The following COG5 variants were observed in gnomAD, a reference collection of about 807,000 sequenced individuals.
COG5 encodes the protein component of oligomeric golgi complex 5, also known as conserved oligomeric Golgi complex subunit 5.
COG5 carries 86 observed loss-of-function variants against 110.4 expected under a neutral mutation model. The ratio of observed to expected loss-of-function variants is 0.78; its 90% CI spans 0.65 to 0.93. The LOEUF (loss-of-function observed/expected upper bound fraction) is 0.93. Among genes scored for constraint, COG5 ranks in the 40% least tolerant of loss-of-function variants. The pLI is 0.00. For missense variants in COG5, 1,077 were observed against 987.0 expected (o/e 1.09, Z -1.22); for synonymous variants, 360 against 334.6 (o/e 1.08, Z -0.83).
chr7:107,230,886 C>G (rs974797071), intron 18 of COG5, among the ~76,000 whole-genome samples, 195 bp from the exon 19 acceptor site: 5 of 150,594 alleles, frequency 3.3e-5, no homozygotes, highest in Admixed American at 1.3e-4. Flanking sequence ...ACTAAGAGGG[C>G]CCAAGATGAG....
intron 11 of COG5, among the ~76,000 whole-genome samples, chr7:107,320,568 C>T (rs1809171849): frequency 2.0e-5 from 3 of 152,168 alleles, no homozygotes; most frequent in Non-Finnish European, 4.4e-5. Flanking sequence ...CCCAACCAGC[C>T]TAAGTCATGA....
rs527316984 is a variant in COG5, at chr7:107,524,224, C to T, written c.538+3013G>A. On this transcript the variant is annotated intron_variant, in intron 6 of 21. Coordinates refer to ENST00000297135, the MANE Select transcript of COG5 (RefSeq NM_006348.5). ...CACTGACAAGGTGGCACAAAAGTCA[C>T]GACTATCTAATTCCAGAACATTTTC... is the stretch of plus-strand genomic sequence containing the variant. Among the ~76,000 whole-genome samples the T allele has an allele frequency of 2.4e-4, 37 of 152,294 alleles. No individual in the cohort carries two copies. In the South Asian group the frequency reaches 6.8e-3, roughly 28 times the overall value.
chr7:107,254,908 C>T (rs559854550), intron 16 of COG5, among the ~76,000 whole-genome samples: 3 of 152,096 alleles, frequency 2.0e-5, no homozygotes, highest in South Asian at 2.1e-4. Flanking sequence ...GGGTCAGTAT[C>T]GTAATGTTTT....
At chr7:107,481,680 C>T (rs1797356711) in intron 6 of COG5, among the ~76,000 whole-genome samples, 1 of 152,116 alleles carries the variant, frequency 6.6e-6, no homozygotes, top group South Asian at 2.1e-4. Flanking sequence ...TTTACATACT[C>T]TGTACTTTAA....
At chr7:107,274,199 C>A (rs1008927072) in intron 14 of COG5, among the ~76,000 whole-genome samples, 2 of 152,064 alleles carry the variant, frequency 1.3e-5, no homozygotes, top group African/African-American at 4.8e-5. Context: ...GAGGCTGAGG[C>A]AGGAGGATTG....
intron 14 of COG5, among the ~76,000 whole-genome samples, chr7:107,269,474 CAAAA>C (rs200139122): frequency 1.1e-5 from 1 of 88,500 alleles, no homozygotes; most frequent in Non-Finnish European, 2.4e-5. Context: ...GACTCCGTCT[CAAAA>C]AAAAAAAAAA....
At chr7:107,509,415 C>G (rs554004759) in intron 6 of COG5, among the ~76,000 whole-genome samples, 1 of 152,212 alleles carries the variant, frequency 6.6e-6, no homozygotes, top group African/African-American at 2.4e-5. Context: ...ACCAAGTCTA[C>G]GTCTGATTGG....
At chr7:107,416,933 G>A (rs1417182459) in intron 6 of COG5, among the ~76,000 whole-genome samples, 1 of 152,118 alleles carries the variant, frequency 6.6e-6, no homozygotes, top group African/African-American at 2.4e-5. Flanking sequence ...AAAAAGAGGG[G>A]AAATTATATA....
At chr7:107,543,459 A>G (rs1802198831) in intron 5 of COG5, among the ~76,000 whole-genome samples, 2 of 152,052 alleles carry the variant, frequency 1.3e-5, no homozygotes, top group African/African-American at 4.8e-5. Flanking sequence ...TCCAGACTAC[A>G]TCTCCTGGCC....
At chr7:107,290,544 A>T (rs962444944) in intron 12 of COG5, among the ~76,000 whole-genome samples, 2 of 152,138 alleles carry the variant, frequency 1.3e-5, no homozygotes, top group African/African-American at 2.4e-5. Flanking sequence ...GGGGATTCGA[A>T]TTATCTGGGG....
At chr7:107,301,251 T>C (rs1221648020) in intron 11 of COG5, among the ~76,000 whole-genome samples, 1 of 152,118 alleles carries the variant, frequency 6.6e-6, no homozygotes, top group Non-Finnish European at 1.5e-5. Context: ...AAGAAATTGA[T>C]AAACTGGACA....
At chr7:107,386,600 A>C (rs1415755372) in intron 7 of COG5, among the ~76,000 whole-genome samples, 1 of 152,208 alleles carries the variant, frequency 6.6e-6, no homozygotes, top group East Asian at 1.9e-4. Context: ...ATGGGACAAC[A>C]GTTATCAGCT....
At chr7:107,441,308 G>C (rs920476445) in intron 6 of COG5, among the ~76,000 whole-genome samples, 3 of 151,576 alleles carry the variant, frequency 2.0e-5, no homozygotes, top group Non-Finnish European at 2.9e-5. Flanking sequence ...GGAGTTGTGG[G>C]AAACCCCTTA....
intron 21 of COG5, chr7:107,208,631 A>C: frequency 1.0e-6 from 1 of 985,462 alleles, no homozygotes; most frequent in Non-Finnish European, 1.2e-6. Context: ...GCCTTTCCCG[A>C]GGGCAGATTT....
chr7:107,551,948 A>G (rs554275658), intron 3 of COG5, among the ~76,000 whole-genome samples: 3 of 152,300 alleles, frequency 2.0e-5, no homozygotes, highest in African/African-American at 7.2e-5. Flanking sequence ...CAAATAATCT[A>G]GTGAATATCC....
At chr7:107,314,077 T>A (rs1808511959) in intron 11 of COG5, among the ~76,000 whole-genome samples, 1 of 152,162 alleles carries the variant, frequency 6.6e-6, no homozygotes, top group Non-Finnish European at 1.5e-5. Context: ...GAGAATGACT[T>A]ACAAGTACAT....
At chr7:107,321,796 A>T (rs1809315348) in intron 11 of COG5, among the ~76,000 whole-genome samples, 1 of 152,220 alleles carries the variant, frequency 6.6e-6, no homozygotes, top group Admixed American at 6.5e-5. Flanking sequence ...AATGCTTCTG[A>T]CTTTGGATTA....
At chr7:107,262,870 A>C (rs900825711) in intron 14 of COG5, among the ~76,000 whole-genome samples, 7 of 152,174 alleles carry the variant, frequency 4.6e-5, no homozygotes, top group Admixed American at 1.3e-4. Context: ...TGTAACACGG[A>C]ACTAATAATA....
intron 11 of COG5, among the ~76,000 whole-genome samples, chr7:107,310,502 T>C (rs571265213): frequency 6.6e-6 from 1 of 152,208 alleles, no homozygotes; most frequent in East Asian, 1.9e-4. Flanking sequence ...AATGCTAAAA[T>C]AAAAATTAGT....
Sources: allele counts gnomAD v4.1 joint callset (sites outside exome capture counted in the v4.1 genomes callset), GRCh38; gene constraint gnomAD v4.1.1; transcripts MANE v1.5; gene names NCBI Gene and HGNC (gene_info 2026-07-23, HGNC 2026-07-21).